CACHD1: variants seen among roughly 807,000 people sequenced by gnomAD.
The protein encoded by CACHD1 is cache domain containing 1.
A neutral mutation model predicts 138.7 loss-of-function variants in CACHD1; 71 were observed. That is an observed-to-expected ratio of 0.51 (90% CI 0.42 to 0.62). The LOEUF is 0.62. Among genes scored for constraint, CACHD1 ranks in the 20% least tolerant of loss-of-function variants. The pLI is 0.00. For missense variants in CACHD1, 1,389 were observed against 1,625.3 expected (o/e 0.85, Z 2.50); for synonymous variants, 578 against 591.5 (o/e 0.98, Z 0.33).
chr1:64,679,302 G>A (rs1650091113), intron 23 of CACHD1, among the ~76,000 whole-genome samples: 1 of 152,188 alleles, frequency 6.6e-6, no homozygotes, highest in Non-Finnish European at 1.5e-5. Context: ...CTCTGTTGGT[G>A]TTGGATGCTG....
chr1:64,688,113 G>A (rs574601464), intron 26 of CACHD1, among the ~76,000 whole-genome samples: 1 of 151,876 alleles, frequency 6.6e-6, no homozygotes, highest in South Asian at 2.1e-4. Context: ...GGGAGGGTGA[G>A]CCAAGCAGAA....
At chr1:64,546,959 A>G (rs1646722994) in intron 1 of CACHD1, among the ~76,000 whole-genome samples, 1 of 152,206 alleles carries the variant, frequency 6.6e-6, no homozygotes, top group African/African-American at 2.4e-5. Context: ...ACATGCAAGT[A>G]TTAGGATTCC....
intron 13 of CACHD1, among the ~76,000 whole-genome samples, chr1:64,661,042 C>T (rs1017569326): frequency 4.6e-5 from 7 of 152,006 alleles, no homozygotes; most frequent in Non-Finnish European, 1.0e-4. Context: ...TGGTAAGGCC[C>T]CAGGACAAGG....
At chr1:64,645,386 G>A (rs932890819) in intron 8 of CACHD1, among the ~76,000 whole-genome samples, 7 of 152,058 alleles carry the variant, frequency 4.6e-5, no homozygotes, top group African/African-American at 9.7e-5. Flanking sequence ...TTCATACCTC[G>A]ATTACTCTGC....
At chr1:64,635,837 C>T (rs950482518) in intron 7 of CACHD1, among the ~76,000 whole-genome samples, 2 of 151,752 alleles carry the variant, frequency 1.3e-5, no homozygotes, top group South Asian at 2.1e-4. Flanking sequence ...ATAGGCTGGG[C>T]GCGGTGGCTC....
chr1:64,499,797 T>C (rs1488106608), intron 1 of CACHD1, among the ~76,000 whole-genome samples: 1 of 152,248 alleles, frequency 6.6e-6, no homozygotes, highest in Non-Finnish European at 1.5e-5. Flanking sequence ...TGTTGATTAA[T>C]AATAAAGAAG....
intron 6 of CACHD1, among the ~76,000 whole-genome samples, chr1:64,632,967 T>C (rs143804811): frequency 9.1e-4 from 138 of 152,342 alleles, no homozygotes; most frequent in African/African-American, 3.0e-3. Context: ...CCCTCAGTTA[T>C]GGAAAATCAT....
chr1:64,679,242 G>C (rs1650089511), intron 23 of CACHD1, among the ~76,000 whole-genome samples: 1 of 152,146 alleles, frequency 6.6e-6, no homozygotes, highest in African/African-American at 2.4e-5. Flanking sequence ...CTCTGTACTA[G>C]GTGACTTTTC....
intron 2 of CACHD1, among the ~76,000 whole-genome samples, chr1:64,563,088 T>C (rs1646854741): frequency 6.6e-6 from 1 of 152,170 alleles, no homozygotes; most frequent in Non-Finnish European, 1.5e-5. Context: ...AGTTTATCTT[T>C]AGATAGAGTT....
intron 3 of CACHD1, among the ~76,000 whole-genome samples, chr1:64,599,291 G>A (rs1647191542): frequency 6.6e-6 from 1 of 152,146 alleles, no homozygotes; most frequent in Non-Finnish European, 1.5e-5. Context: ...AGATAGGACT[G>A]TGATATTATG....
At chr1:64,655,906 A>G (rs964333054) in intron 12 of CACHD1, among the ~76,000 whole-genome samples, 9 of 152,180 alleles carry the variant, frequency 5.9e-5, no homozygotes, top group Non-Finnish European at 2.9e-5. Flanking sequence ...CTCCAAATAG[A>G]TCCATTTAAT....
chr1:64,643,825 A>C (rs192607202), intron 8 of CACHD1, among the ~76,000 whole-genome samples: 2 of 152,160 alleles, frequency 1.3e-5, no homozygotes, highest in African/African-American at 4.8e-5. Flanking sequence ...GCGACAGAGC[A>C]AGACTCCAAA....
intron 26 of CACHD1, among the ~76,000 whole-genome samples, chr1:64,688,280 G>A (rs1014530646): frequency 1.3e-5 from 2 of 152,128 alleles, no homozygotes; most frequent in Admixed American, 6.5e-5. Context: ...TCCTTTACAT[G>A]TATAGCATAA....
At chr1:64,553,107 G>A (rs984773078) in intron 2 of CACHD1, among the ~76,000 whole-genome samples, 1 of 152,088 alleles carries the variant, frequency 6.6e-6, no homozygotes, top group Non-Finnish European at 1.5e-5. Flanking sequence ...GTATAAACAG[G>A]TCTTAAATAA....
At chr1:64,603,099 C>CTTTTTT (rs34372401) in intron 4 of CACHD1, among the ~76,000 whole-genome samples, 187 bp downstream of exon 4, 1 of 64,940 alleles carries the variant, frequency 1.5e-5, no homozygotes, top group African/African-American at 5.0e-5. Context: ...AAGCTTACAT[C>CTTTTTT]TTTTTTTTTT....
chr1:64,505,284 C>G lies in CACHD1; in HGVS notation c.198+34342C>G, dbSNP rs552455674. ...CAAGAGCCTCTGGGGAGCCCCTGTA[C>G]TGGTACCTGCTCAGCCCCGGGAGCC... On this transcript the variant is annotated intron_variant, in intron 1 of 26. Coordinates refer to ENST00000651257, the MANE Select transcript of CACHD1 (RefSeq NM_020925.4). 1.2e-3 allele frequency among the ~76,000 whole-genome samples: 185 copies of G among 152,220 alleles called. 1 individual carries two copies. Among genetic ancestry groups the G allele is most frequent in the African/African-American group, 4.1e-3 (170 of 41,532 alleles).
chr1:64,640,917 C>T (rs1648691428), intron 7 of CACHD1, among the ~76,000 whole-genome samples: 1 of 151,574 alleles, frequency 6.6e-6, no homozygotes, highest in Non-Finnish European at 1.5e-5. Flanking sequence ...ACCCACTTGA[C>T]AGAAGTTCTA....
rs750499224 is a variant in CACHD1, at chr1:64,678,313, A to G, written c.3244+3A>G. The G allele has an allele frequency of 1.1e-5, 17 of 1,554,198 alleles. No individual in the cohort carries two copies. Among genetic ancestry groups the G allele is most frequent in the Non-Finnish European group, 1.5e-5 (17 of 1,154,224 alleles). On this transcript the variant is annotated splice_donor_region_variant and intron_variant, in intron 23 of 26. Transcript: ENST00000651257. The stretch of plus-strand genomic sequence containing the variant: ...CGTTGATGACATGGGAGCAATAGGT[A>G]TGTTTGTTAGATGCCCCAACAATTT...
At chr1:64,498,181 C>G (rs955017757) in intron 1 of CACHD1, among the ~76,000 whole-genome samples, 1 of 152,020 alleles carries the variant, frequency 6.6e-6, no homozygotes, top group Non-Finnish European at 1.5e-5. Flanking sequence ...GACAATTAAA[C>G]AAGAGGTTCA....
Sources: allele counts gnomAD v4.1 joint callset (sites outside exome capture counted in the v4.1 genomes callset), GRCh38; gene constraint gnomAD v4.1.1; transcripts MANE v1.5; gene names NCBI Gene and HGNC (gene_info 2026-07-23, HGNC 2026-07-21).